Variants in C1QTNF7 observed in about 807,000 individuals in gnomAD.
C1QTNF7 encodes complement C1q tumor necrosis factor-related protein 7.
In C1QTNF7, 15 loss-of-function variants were observed where a neutral mutation model predicts 19.6. The observed-to-expected ratio is 0.76, with a 90% CI of 0.51 to 1.18. The LOEUF is 1.18. Among genes scored for constraint, C1QTNF7 ranks in the 50% most tolerant of loss-of-function variants. The pLI is 0.00. For synonymous variants in C1QTNF7, 142 were observed against 137.5 expected (o/e 1.03, Z -0.23); for missense variants, 324 against 359.7 (o/e 0.90, Z 0.80).
At chr4:15,373,314 G>A (rs1456388502) in intron 1 of C1QTNF7, among the ~76,000 whole-genome samples, 2 of 152,162 alleles carry the variant, frequency 1.3e-5, no homozygotes. Context: ...ACAAGGTCAT[G>A]AATCCCATTC....
intron 1 of C1QTNF7, among the ~76,000 whole-genome samples, chr4:15,381,607 A>G (rs1718145033): frequency 6.6e-6 from 1 of 152,190 alleles, no homozygotes; most frequent in East Asian, 1.9e-4. Context: ...CAGGTTCTTC[A>G]TATTTAAAAT....
intron 1 of C1QTNF7, among the ~76,000 whole-genome samples, chr4:15,383,698 AC>A (rs1718228963): frequency 6.6e-6 from 1 of 152,212 alleles, no homozygotes; most frequent in Admixed American, 6.5e-5. Context: ...ACCACAGAAT[AC>A]TAGGCACAGT....
At chr4:15,358,971 C>A (rs1717243651) in intron 1 of C1QTNF7, among the ~76,000 whole-genome samples, 2 of 152,120 alleles carry the variant, frequency 1.3e-5, no homozygotes, top group African/African-American at 4.8e-5. Flanking sequence ...CTTGAAATTT[C>A]CAATAGTTGC....
At chr4:15,343,987 T>C (rs901804096) in intron 1 of C1QTNF7, among the ~76,000 whole-genome samples, 1 of 152,204 alleles carries the variant, frequency 6.6e-6, no homozygotes, top group Admixed American at 6.5e-5. Flanking sequence ...CTGTATCCCT[T>C]ACCCAGGGAA....
intron 1 of C1QTNF7, among the ~76,000 whole-genome samples, chr4:15,390,283 G>A (rs1340060185): frequency 3.9e-5 from 6 of 152,252 alleles, no homozygotes; most frequent in African/African-American, 9.6e-5. Context: ...CAATCCTTTC[G>A]ACTGATTGAA....
rs536662074 is a variant in C1QTNF7, at chr4:15,417,662, TAGG to T, written c.14-18069_14-18067del. On this transcript the variant is annotated intron_variant, in intron 1 of 2. Transcript: ENST00000295297. Reference sequence around the variant, plus strand: ...ATTGCAGATACTTGAGAGGCTGAGGTAGGAGGATGGCTTTAGCCCAAGAGTTGA... The same window carrying T: ...ATTGCAGATACTTGAGAGGCTGAGGTAGGATGGCTTTAGCCCAAGAGTTGA... Among the ~76,000 whole-genome samples, 374 of 152,172 alleles carry T rather than the reference TAGG, an allele frequency of 2.5e-3. 1 individual carries two copies. Among genetic ancestry groups the T allele is most frequent in the African/African-American group, 8.6e-3 (357 of 41,522 alleles).
At chr4:15,384,241 C>A (rs1047769172) in intron 1 of C1QTNF7, among the ~76,000 whole-genome samples, 3 of 152,122 alleles carry the variant, frequency 2.0e-5, no homozygotes, top group Non-Finnish European at 4.4e-5. Flanking sequence ...AGCTCCCAGG[C>A]CAGTGCTTGT....
At chr4:15,416,655 G>A (rs1428991990) in intron 1 of C1QTNF7, among the ~76,000 whole-genome samples, 1 of 152,200 alleles carries the variant, frequency 6.6e-6, no homozygotes, top group Non-Finnish European at 1.5e-5. Flanking sequence ...CTCAGTCCTT[G>A]ACCCTGAAGT....
chr4:15,435,845 C>A lies in C1QTNF7; in HGVS notation c.102C>A (p.Cys34Ter), dbSNP rs1216208749. ...AGAACTACTCCCCCAGGTATATCTG[C>A]AGCATTCCTGGCTTGCCTGGACCTC... ...KGENYSPRYI[C>*]SIPGLPGPPG... Residue 34 changes from cysteine to a stop codon, truncating the protein, a stop_gained, in exon 2 of 3, where the codon TGC (cysteine) becomes TGA (stop). Coordinates refer to ENST00000444304, the MANE Select transcript of C1QTNF7 (RefSeq NM_031911.5). LOFTEE classifies it high-confidence loss of function. 1 of 1,613,992 alleles carries A rather than the reference C, an allele frequency of 6.2e-7. No homozygotes were observed. Among genetic ancestry groups the A allele is most frequent in the Non-Finnish European group, 8.5e-7 (1 of 1,180,042 alleles).
intron 1 of C1QTNF7, among the ~76,000 whole-genome samples, chr4:15,358,974 A>G (rs947592438): frequency 1.3e-5 from 2 of 152,118 alleles, no homozygotes; most frequent in Non-Finnish European, 2.9e-5. Flanking sequence ...GAAATTTCCA[A>G]TAGTTGCATT....
intron 1 of C1QTNF7, among the ~76,000 whole-genome samples, chr4:15,368,708 G>C (rs1255079391): frequency 2.0e-5 from 3 of 152,212 alleles, no homozygotes; most frequent in Non-Finnish European, 4.4e-5. Flanking sequence ...CATTTGGGTA[G>C]GTTCCAAGTC....
rs1341800197 is a variant in C1QTNF7 at position 15,407,198 on chromosome 4, G to T, written c.14-28538G>T. On this transcript the variant is annotated intron_variant, in intron 1 of 2. Transcript: ENST00000295297. ...TAACACCAATGGTACAGCCCCATTG[G>T]TGGTACAGCCCAGACAGCCCTTAAC... Among the ~76,000 whole-genome samples, 4 of 152,254 alleles carry T rather than the reference G, an allele frequency of 2.6e-5. No individual in the cohort carries two copies. In the South Asian group the frequency reaches 8.3e-4, roughly 32 times the overall value.
chr4:15,410,736 G>A (rs1719374684), intron 1 of C1QTNF7, among the ~76,000 whole-genome samples: 1 of 152,144 alleles, frequency 6.6e-6, no homozygotes. Context: ...AACTAACTAG[G>A]TGAACTTAGA....
At chr4:15,341,261 T>G (rs891437728) in intron 1 of C1QTNF7, among the ~76,000 whole-genome samples, 1 of 152,202 alleles carries the variant, frequency 6.6e-6, no homozygotes, top group African/African-American at 2.4e-5. Context: ...TACAGAAACA[T>G]TAGCAAGGCG....
chr4:15,351,925 G>A (rs1225193943), intron 1 of C1QTNF7, among the ~76,000 whole-genome samples: 1 of 152,182 alleles, frequency 6.6e-6, no homozygotes, highest in South Asian at 2.1e-4. Context: ...ACATAGAGAG[G>A]AATCTGGAAG....
At chr4:15,341,435 G>T (rs1409821176) in intron 1 of C1QTNF7, among the ~76,000 whole-genome samples, 1 of 152,130 alleles carries the variant, frequency 6.6e-6, no homozygotes, top group Non-Finnish European at 1.5e-5. Flanking sequence ...GACTGTTGTG[G>T]CTTCCTCTGC....
Position 15,442,299 on chromosome 4 carries a change from A to G in C1QTNF7, c.370A>G (p.Lys124Glu). The change falls in exon 3 of 3, where the codon AAG becomes GAG. Residue 124 changes from lysine to glutamate, a missense_variant. Coordinates refer to ENST00000444304, the MANE Select transcript of C1QTNF7 (RefSeq NM_031911.5). ...AGGTCCAATTGGTCCTCCTGGACCA[A>G]AGGGAGACAGAGGAGAACAAGGGGA... ...EVGPIGPPGP[K>E]GDRGEQGDPG... The G allele has an allele frequency of 6.2e-7, 1 of 1,614,092 alleles. No homozygotes were observed. The highest frequency in any genetic ancestry group is 1.3e-5 in the African/African-American group (1 of 75,012).
chr4:15,355,199 A>C (rs532915815), intron 1 of C1QTNF7, among the ~76,000 whole-genome samples: 35 of 152,138 alleles, frequency 2.3e-4, no homozygotes, highest in Non-Finnish European at 4.6e-4. Flanking sequence ...AGCAGTGAGC[A>C]GGACCGTAAA....
intron 1 of C1QTNF7, among the ~76,000 whole-genome samples, chr4:15,396,645 T>C (rs974932987): frequency 2.6e-5 from 4 of 152,068 alleles, no homozygotes; most frequent in African/African-American, 9.7e-5. Flanking sequence ...AAAAGGTGTG[T>C]TATTGAGTGG....
Sources: allele counts gnomAD v4.1 joint callset (sites outside exome capture counted in the v4.1 genomes callset), GRCh38; gene constraint gnomAD v4.1.1; transcripts MANE v1.5; gene names NCBI Gene and HGNC (gene_info 2026-07-23, HGNC 2026-07-21).